TSNARE1: variants seen among roughly 807,000 people sequenced by gnomAD.
TSNARE1 encodes t-SNARE domain containing 1.
TSNARE1 carries 49 observed loss-of-function variants against 62.0 expected under a neutral mutation model. The ratio of observed to expected loss-of-function variants is 0.79; its 90% CI spans 0.63 to 1.00. The LOEUF is 1.00. TSNARE1 is among the 50% of genes least tolerant of loss of function. TSNARE1 has a pLI of 0.00. For synonymous variants in TSNARE1, 328 were observed against 294.4 expected (o/e 1.11, Z -1.17); for missense variants, 755 against 700.1 (o/e 1.08, Z -0.88).
chr8:142,271,387 G>A, intron 12 of TSNARE1: 1 of 1,231,900 alleles, frequency 8.1e-7, no homozygotes, highest in South Asian at 3.6e-5. Context: ...AGGACAGCAG[G>A]GCGCCCTGCT....
intron 1 of TSNARE1, among the ~76,000 whole-genome samples, chr8:142,378,085 C>G (rs1836474969): frequency 6.6e-6 from 1 of 152,250 alleles, no homozygotes; most frequent in Non-Finnish European, 1.5e-5. Context: ...CCCCCAAGCA[C>G]TTACATGCTG....
intron 9 of TSNARE1, among the ~76,000 whole-genome samples, chr8:142,312,299 T>C (rs1827727668): frequency 6.6e-6 from 1 of 152,218 alleles, no homozygotes; most frequent in Admixed American, 6.5e-5. Context: ...GGTCAGTTTC[T>C]ACTTCCTGTT....
intron 12 of TSNARE1, among the ~76,000 whole-genome samples, chr8:142,266,594 A>C (rs191772369): frequency 2.6e-5 from 4 of 152,272 alleles, no homozygotes; most frequent in African/African-American, 9.6e-5. Context: ...ATGTCGGCAA[A>C]TTTGTCATCA....
chr8:142,277,770 A>C, intron 11 of TSNARE1: 1 of 985,402 alleles, frequency 1.0e-6, no homozygotes, highest in Non-Finnish European at 1.2e-6. Context: ...GGGTCACAGA[A>C]GTCGAGGCTG....
At chr8:142,387,989 C>G (rs1220543253) in intron 1 of TSNARE1, among the ~76,000 whole-genome samples, 2 of 152,100 alleles carry the variant, frequency 1.3e-5, no homozygotes, top group Non-Finnish European at 2.9e-5. Context: ...TTATGAAGAG[C>G]AATACATAAA....
intron 1 of TSNARE1, among the ~76,000 whole-genome samples, chr8:142,392,947 G>GAAAAAAAAAA (rs374805854): frequency 9.1e-6 from 1 of 109,550 alleles, no homozygotes; most frequent in East Asian, 2.5e-4. Context: ...AGGAGAAAAA[G>GAAAAAAAAAA]AAAAAAAAAA....
chr8:142,370,928 T>G (rs1835874599), intron 1 of TSNARE1, among the ~76,000 whole-genome samples: 2 of 151,552 alleles, frequency 1.3e-5, no homozygotes, highest in African/African-American at 4.8e-5. Context: ...AAAAAGCTGC[T>G]GACCTAACTA....
intron 1 of TSNARE1, among the ~76,000 whole-genome samples, chr8:142,375,601 C>G (rs1032286107): frequency 6.6e-6 from 1 of 152,250 alleles, no homozygotes; most frequent in African/African-American, 2.4e-5. Context: ...CCGGTGAAGT[C>G]CGCCATCCAG....
chr8:142,220,083 C>T (rs1036932255), intron 13 of TSNARE1, among the ~76,000 whole-genome samples: 2 of 152,198 alleles, frequency 1.3e-5, no homozygotes, highest in African/African-American at 2.4e-5. Flanking sequence ...GTCTCAGGTC[C>T]GCAAAGCAGA....
intron 6 of TSNARE1, among the ~76,000 whole-genome samples, chr8:142,320,912 C>G (rs1463998712): frequency 6.6e-6 from 1 of 152,228 alleles, no homozygotes; most frequent in Admixed American, 6.5e-5. Context: ...AGTGCTGGAA[C>G]GAAGGCAGCC....
At chr8:142,356,672 C>T (rs966707834) in intron 1 of TSNARE1, among the ~76,000 whole-genome samples, 11 of 152,148 alleles carry the variant, frequency 7.2e-5, no homozygotes, top group Non-Finnish European at 1.2e-4. Flanking sequence ...TGGCGCGTGA[C>T]GACAATCACA....
intron 12 of TSNARE1, chr8:142,274,466 G>A (rs1480555558): frequency 2.0e-6 from 2 of 985,372 alleles, no homozygotes; most frequent in East Asian, 1.1e-4. Flanking sequence ...ATCTGGCACA[G>A]GAGGTGGAGC....
intron 7 of TSNARE1, among the ~76,000 whole-genome samples, chr8:142,315,962 G>A (rs370216266): frequency 2.0e-5 from 3 of 152,208 alleles, no homozygotes; most frequent in East Asian, 3.8e-4. Context: ...CCACCAAGCC[G>A]CGTGAAGGAG....
At chr8:142,219,608 C>T (rs959206998) in intron 13 of TSNARE1, among the ~76,000 whole-genome samples, 1 of 152,220 alleles carries the variant, frequency 6.6e-6, no homozygotes, top group African/African-American at 2.4e-5. Flanking sequence ...CTGGAAAGGT[C>T]GCAGCTGCCC....
At chr8:142,244,130 G>A (rs957675523) in intron 12 of TSNARE1, among the ~76,000 whole-genome samples, 1 of 152,208 alleles carries the variant, frequency 6.6e-6, no homozygotes, top group Non-Finnish European at 1.5e-5. Flanking sequence ...AGCTTGCAGT[G>A]AGCCGAGATC....
intron 12 of TSNARE1, among the ~76,000 whole-genome samples, chr8:142,269,239 C>T (rs1278153614): frequency 1.3e-5 from 2 of 152,182 alleles, no homozygotes; most frequent in Non-Finnish European, 2.9e-5. Flanking sequence ...AGTCTGTCAC[C>T]AGGATCAGGG....
intron 12 of TSNARE1, among the ~76,000 whole-genome samples, chr8:142,272,284 C>T (rs542743372): frequency 6.6e-6 from 1 of 151,226 alleles, no homozygotes; most frequent in Non-Finnish European, 1.5e-5. Flanking sequence ...TTCCACCTAG[C>T]CACCCGCCCA....
At chr8:142,274,239 A>G (rs1372532730) in intron 12 of TSNARE1, 1 of 985,306 alleles carries the variant, frequency 1.0e-6, no homozygotes, top group Non-Finnish European at 1.2e-6. Flanking sequence ...GCTGGGCCAC[A>G]GTCTCCAGCC....
intron 4 of TSNARE1, among the ~76,000 whole-genome samples, chr8:142,334,453 A>T (rs1174346463): frequency 6.6e-6 from 1 of 151,582 alleles, no homozygotes; most frequent in African/African-American, 2.4e-5. Flanking sequence ...TGACCTGCTC[A>T]AGGTCACAGG....
Sources: allele counts gnomAD v4.1 joint callset (sites outside exome capture counted in the v4.1 genomes callset), GRCh38; gene constraint gnomAD v4.1.1; transcripts MANE v1.5; gene names NCBI Gene and HGNC (gene_info 2026-07-23, HGNC 2026-07-21).